Variants in ITGA11 observed in about 807,000 individuals in gnomAD.
The protein encoded by ITGA11 is integrin subunit alpha 11.
In ITGA11, 97 loss-of-function variants were observed where a neutral mutation model predicts 141.9. The observed-to-expected ratio is 0.68, with a 90% CI of 0.58 to 0.81. The LOEUF (loss-of-function observed/expected upper bound fraction) is 0.81, where lower values mean the gene tolerates loss of function less well. Ranked by LOEUF, ITGA11 falls within the 30% of genes least tolerant of loss-of-function variation. The pLI is 0.00. For synonymous variants in ITGA11, 658 were observed against 624.6 expected, an observed-to-expected ratio of 1.05 and a Z score of -0.80; for missense variants, 1,387 against 1,559.2, an observed-to-expected ratio of 0.89 and a Z score of 1.86.
intron 2 of ITGA11, among the ~76,000 whole-genome samples, chr15:68,393,859 T>C (rs915952346): frequency 1.3e-5 from 2 of 152,166 alleles, no homozygotes; most frequent in African/African-American, 4.8e-5. Context: ...ATAACAATAA[T>C]GTCTTGTGGA....
intron 2 of ITGA11, among the ~76,000 whole-genome samples, chr15:68,372,792 C>T (rs904600601): frequency 6.6e-6 from 1 of 152,204 alleles, no homozygotes; most frequent in Non-Finnish European, 1.5e-5. Flanking sequence ...ACCTCACACC[C>T]TCTCCAACAA....
At chr15:68,372,282 G>A (rs1006152164) in intron 2 of ITGA11, among the ~76,000 whole-genome samples, 6 of 152,138 alleles carry the variant, frequency 3.9e-5, no homozygotes, top group South Asian at 4.1e-4. Context: ...AAATGTTCAC[G>A]TCACCACTGA....
intron 14 of ITGA11, 132 bp downstream of exon 14, chr15:68,331,727 G>T: frequency 1.2e-6 from 1 of 800,322 alleles, no homozygotes; most frequent in Non-Finnish European, 2.0e-6. Context: ...GCATGGCCAG[G>T]ACAGATTGGC....
chr15:68,425,140 T>TA (rs1224191671), intron 1 of ITGA11, among the ~76,000 whole-genome samples: 17 of 152,312 alleles, frequency 1.1e-4, no homozygotes, highest in South Asian at 4.1e-4. Flanking sequence ...CTTGGTTTTT[T>TA]ATCATCTGTA....
rs1231409277 is a variant in ITGA11 at position 68,431,879 on chromosome 15, G to T, written c.52+136C>A. ...GCTAGACTGGGGCCAGTCCCTGGGG[G>T]ACCCACGTCCCCAAGAGCAGCTGAG... On this transcript the variant is annotated intron_variant, in intron 1 of 29. Coordinates refer to ENST00000315757, the MANE Select transcript of ITGA11 (RefSeq NM_001004439.2). The T allele has an allele frequency of 5.6e-6, 3 of 535,388 alleles. No individual in the cohort carries two copies. The South Asian group carries it at 2.6e-4, about 47-fold the overall frequency. The allele number at this position is 535,388 out of a possible 1,614,324, so 33.2% of individuals were successfully genotyped here. A position where few individuals can be genotyped will look rare whatever the true frequency, so the allele number is the denominator to read the frequency against.
rs764685021 is a variant in ITGA11 at position 68,307,805 on chromosome 15, CAG to C, written c.3175-111_3175-110del. 2.3e-4 allele frequency: 160 copies of C among 697,686 alleles called. No individual in the cohort carries two copies. The highest frequency in any genetic ancestry group is 1.4e-3 in the Middle Eastern group (4 of 2,844). 43.2% of individuals were successfully genotyped at this position (697,686 alleles called of 1,614,324 possible). On this transcript the variant is annotated intron_variant, in intron 26 of 29. Coordinates refer to ENST00000315757, the MANE Select transcript of ITGA11 (RefSeq NM_001004439.2). This position sits in a 1 kb window ranked among gnomAD's most constrained non-coding sequence, Gnocchi z 6.1. ...TGCTCCTGGGGGCAGGGGCAGAGGACAGGGGACAAAGAGAAAGTTGGGAGTGG... is the reference window on the plus strand; with the variant it reads ...TGCTCCTGGGGGCAGGGGCAGAGGACGGGACAAAGAGAAAGTTGGGAGTGG...
chr15:68,349,913 A>G (rs1431559902), intron 9 of ITGA11, among the ~76,000 whole-genome samples: 3 of 152,308 alleles, frequency 2.0e-5, no homozygotes, highest in Admixed American at 2.0e-4. Context: ...GCAATATAGG[A>G]TGCCCAATTA....
chr15:68,430,441 A>G (rs1037994891), intron 1 of ITGA11, among the ~76,000 whole-genome samples: 4 of 152,250 alleles, frequency 2.6e-5, no homozygotes, highest in African/African-American at 9.6e-5. Context: ...AGCAGGGTGC[A>G]GAGCCAGAAG....
At chr15:68,310,510 G>C (rs887925479) in intron 26 of ITGA11, among the ~76,000 whole-genome samples, 9 of 152,212 alleles carry the variant, frequency 5.9e-5, no homozygotes, top group Non-Finnish European at 2.9e-5. Flanking sequence ...GAAATGAGCA[G>C]GTGTTTTGGG....
intron 2 of ITGA11, among the ~76,000 whole-genome samples, chr15:68,372,011 C>T (rs1895604087): frequency 6.6e-6 from 1 of 152,138 alleles, no homozygotes; most frequent in African/African-American, 2.4e-5. Context: ...TTACTGTCGC[C>T]ATAATATAGC....
intron 24 of ITGA11, among the ~76,000 whole-genome samples, chr15:68,312,110 A>C (rs1893407239): frequency 6.6e-6 from 1 of 152,258 alleles, no homozygotes; most frequent in South Asian, 2.1e-4. Flanking sequence ...TGAGGGAGCT[A>C]TCGGGGCCCA....
rs749679114 is a variant in ITGA11, at chr15:68,339,623, C to A, written c.1153G>T (p.Val385Phe). The change falls in exon 11 of 30, where the codon GTC becomes TTC. Residue 385 changes from valine (V) to phenylalanine (F), a missense_variant. Physicochemically the swap from Val to Phe is conservative, Grantham distance 50 (BLOSUM62 -1). Coordinates refer to ENST00000315757, the MANE Select transcript of ITGA11 (RefSeq NM_001004439.2). The part of the protein sequence containing the change: ...VVEDGVLLGA[V>F]GAYDWNGAVL... ...GCTCCATTCCAGTCATAGGCACCGACGGCTCCCAGCAGAACCCCATCCTGG... is the reference window on the plus strand; with the variant it reads ...GCTCCATTCCAGTCATAGGCACCGAAGGCTCCCAGCAGAACCCCATCCTGG... The A allele has an allele frequency of 1.2e-6, 2 of 1,613,990 alleles. No homozygotes were observed. The highest frequency in any genetic ancestry group is 1.1e-5 in the South Asian group (1 of 91,088).
chr15:68,309,899 G>A (rs1274446961), intron 26 of ITGA11, among the ~76,000 whole-genome samples: 8 of 152,092 alleles, frequency 5.3e-5, no homozygotes, highest in Admixed American at 1.3e-4. Flanking sequence ...CACCGTGCAC[G>A]GCCTAATGCA....
At chr15:68,356,559 G>A (rs1204691312) in intron 7 of ITGA11, among the ~76,000 whole-genome samples, 1 of 152,192 alleles carries the variant, frequency 6.6e-6, no homozygotes, top group East Asian at 1.9e-4. Flanking sequence ...TGTGGCAGAA[G>A]CTATTTTTCA....
At chr15:68,315,757 T>C (rs79232487) in intron 21 of ITGA11, 30 bp from the exon 22 acceptor site, 109,204 of 1,571,066 alleles carry the variant, frequency 0.07, 4,267 homozygotes, top group Non-Finnish European at 0.082. Flanking sequence ...TGTCTGGGCA[T>C]TGCTGGGACC....
chr15:68,431,646 G>T (rs1479459863), intron 1 of ITGA11, among the ~76,000 whole-genome samples: 1 of 152,218 alleles, frequency 6.6e-6, no homozygotes, highest in African/African-American at 2.4e-5. Flanking sequence ...GGGGCCGTGC[G>T]CCCTCGGCGC....
intron 1 of ITGA11, among the ~76,000 whole-genome samples, chr15:68,427,218 T>C (rs1167217881): frequency 1.3e-5 from 2 of 152,168 alleles, no homozygotes; most frequent in Admixed American, 1.3e-4. Flanking sequence ...ACACAGTGCC[T>C]GACATCAATC....
At chr15:68,378,789 G>A (rs1052882110) in intron 2 of ITGA11, among the ~76,000 whole-genome samples, 5 of 152,140 alleles carry the variant, frequency 3.3e-5, no homozygotes, top group Admixed American at 6.5e-5. Context: ...ACATAGAGGC[G>A]GCCCCTTTCA....
chr15:68,427,405 G>C (rs965424452), intron 1 of ITGA11, among the ~76,000 whole-genome samples: 1 of 152,152 alleles, frequency 6.6e-6, no homozygotes, highest in South Asian at 2.1e-4. Context: ...AGGCCTGGGG[G>C]CTTATCCCAG....
Sources: allele counts gnomAD v4.1 joint callset (sites outside exome capture counted in the v4.1 genomes callset), GRCh38; gene constraint gnomAD v4.1.1; non-coding constraint Gnocchi (gnomAD v3.1); transcripts MANE v1.5; gene names NCBI Gene and HGNC (gene_info 2026-07-23, HGNC 2026-07-21).